Variants in NCKAP5 observed in about 807,000 individuals in gnomAD.
NCKAP5 encodes nck-associated protein 5.
NCKAP5 carries 92 observed loss-of-function variants against 167.0 expected under a neutral mutation model. The observed-to-expected ratio is 0.55, with a 90% CI of 0.47 to 0.66. NCKAP5 has a LOEUF of 0.66. Ranked by LOEUF, NCKAP5 falls within the 30% of genes least tolerant of loss-of-function variation. The pLI, the probability that NCKAP5 is intolerant of heterozygous loss-of-function variation, is 0.00. For synonymous variants in NCKAP5, 891 were observed against 877.4 expected (o/e 1.02, Z -0.27); for missense variants, 2,378 against 2,315.0 (o/e 1.03, Z -0.56).
intron 6 of NCKAP5, among the ~76,000 whole-genome samples, chr2:133,010,945 T>A (rs1468890768): frequency 1.3e-5 from 2 of 152,136 alleles, no homozygotes; most frequent in Admixed American, 6.5e-5. Context: ...TTTAAAAAAA[T>A]GTCTTTGATA....
intron 8 of NCKAP5, among the ~76,000 whole-genome samples, chr2:132,909,043 A>C (rs1236186653): frequency 6.6e-6 from 1 of 152,182 alleles, no homozygotes; most frequent in Admixed American, 6.5e-5. Flanking sequence ...TTTTTAAAAA[A>C]TCGATTAAAA....
At chr2:133,585,988 G>C in the NCKAP5 span, among the ~76,000 whole-genome samples, 2 of 152,158 alleles carry the variant, frequency 1.3e-5, no homozygotes, top group Non-Finnish European at 2.9e-5. Flanking sequence ...AAAAGAAAAA[G>C]TGAGAACAAG....
At chr2:133,447,999 A>C (rs1337312533) in intron 3 of NCKAP5, among the ~76,000 whole-genome samples, 1 of 152,204 alleles carries the variant, frequency 6.6e-6, no homozygotes, top group East Asian at 1.9e-4. Flanking sequence ...CCATCAGACT[A>C]AAGCAAACAT....
intron 3 of NCKAP5, among the ~76,000 whole-genome samples, chr2:133,402,726 C>T (rs1208384373): frequency 6.6e-6 from 1 of 152,154 alleles, no homozygotes; most frequent in Non-Finnish European, 1.5e-5. Context: ...ATGCCTGCTC[C>T]CCCTTCACTT....
At chr2:133,465,041 G>A (rs1692462957) in intron 3 of NCKAP5, among the ~76,000 whole-genome samples, 1 of 151,342 alleles carries the variant, frequency 6.6e-6, no homozygotes, top group Non-Finnish European at 1.5e-5. Flanking sequence ...AAGTTTTAGG[G>A]TACATGTGCA....
chr2:132,986,888 C>T (rs1274404599), intron 7 of NCKAP5, among the ~76,000 whole-genome samples: 2 of 152,040 alleles, frequency 1.3e-5, no homozygotes, highest in South Asian at 2.1e-4. Context: ...TTTGGAGTTC[C>T]AAACTTATGA....
At chr2:133,081,777 C>T (rs951214069) in intron 6 of NCKAP5, among the ~76,000 whole-genome samples, 2 of 152,010 alleles carry the variant, frequency 1.3e-5, no homozygotes, top group African/African-American at 4.8e-5. Flanking sequence ...AAACGTTTTC[C>T]TCCTTTTCCA....
intron 7 of NCKAP5, among the ~76,000 whole-genome samples, chr2:132,983,822 T>C (rs2077208104): frequency 1.3e-5 from 2 of 152,162 alleles, no homozygotes; most frequent in Admixed American, 6.5e-5. Flanking sequence ...AGCTGGCACA[T>C]GCCTAAAGTG....
intron 16 of NCKAP5, among the ~76,000 whole-genome samples, chr2:132,769,216 G>A (rs899050517): frequency 1.3e-5 from 2 of 152,056 alleles, no homozygotes; most frequent in African/African-American, 2.4e-5. Context: ...CCAAAGTGCT[G>A]GGATTACAGA....
chr2:132,963,901 A>G (rs2076589242), intron 7 of NCKAP5, 32 bp from the exon 8 acceptor site: 1 of 1,609,970 alleles, frequency 6.2e-7, no homozygotes, highest in Non-Finnish European at 8.5e-7. Context: ...GTTTTCAATA[A>G]TCTCCAGTGA....
intron 5 of NCKAP5, among the ~76,000 whole-genome samples, chr2:133,143,966 A>T (rs185687242): frequency 1.2e-3 from 186 of 152,252 alleles, no homozygotes; most frequent in Admixed American, 4.8e-3. Flanking sequence ...GTAAACTTTC[A>T]TCGCAACCAG....
At chr2:133,444,691 C>T (rs1189214524) in intron 3 of NCKAP5, among the ~76,000 whole-genome samples, 3 of 152,160 alleles carry the variant, frequency 2.0e-5, no homozygotes, top group African/African-American at 7.2e-5. Flanking sequence ...GTTCTTCTTC[C>T]TTGCACTCTG....
chr2:132,836,612 G>T (rs113304023), intron 11 of NCKAP5, among the ~76,000 whole-genome samples: 1 of 151,826 alleles, frequency 6.6e-6, no homozygotes, highest in Non-Finnish European at 1.5e-5. Context: ...GTTCTTTAGC[G>T]GTGATTTGTG....
At chr2:133,416,868 G>A (rs748606523) in intron 3 of NCKAP5, among the ~76,000 whole-genome samples, 48 of 152,018 alleles carry the variant, frequency 3.2e-4, no homozygotes, top group South Asian at 4.1e-4. Context: ...CAACTTCCTC[G>A]AGGTTTGGAA....
intron 8 of NCKAP5, among the ~76,000 whole-genome samples, chr2:132,916,952 T>C (rs567831508): frequency 2.6e-5 from 4 of 152,310 alleles, no homozygotes; most frequent in South Asian, 2.1e-4. Context: ...TAATGCAAAA[T>C]TGATGGAAGT....
chr2:133,286,502 A>T (rs1302984344), intron 4 of NCKAP5, among the ~76,000 whole-genome samples: 1 of 152,210 alleles, frequency 6.6e-6, no homozygotes, highest in Non-Finnish European at 1.5e-5. Context: ...GAGTAATTGG[A>T]TATGCATGAT....
intron 8 of NCKAP5, among the ~76,000 whole-genome samples, chr2:132,933,943 G>C (rs575412856): frequency 1.3e-5 from 2 of 152,298 alleles, no homozygotes; most frequent in Non-Finnish European, 2.9e-5. Flanking sequence ...GAGAGCATCA[G>C]CAGACTGTCT....
intron 3 of NCKAP5, among the ~76,000 whole-genome samples, chr2:133,359,401 A>T (rs1434703167): frequency 1.3e-5 from 2 of 152,192 alleles, no homozygotes; most frequent in African/African-American, 4.8e-5. Flanking sequence ...CTGAAATCTT[A>T]TGCATAATTA....
At chr2:132,746,035 C>G (rs1677420991) in intron 16 of NCKAP5, among the ~76,000 whole-genome samples, 1 of 151,766 alleles carries the variant, frequency 6.6e-6, no homozygotes, top group Non-Finnish European at 1.5e-5. Flanking sequence ...ACATTTTAAT[C>G]AAAACACTAT....
Sources: allele counts gnomAD v4.1 joint callset (sites outside exome capture counted in the v4.1 genomes callset), GRCh38; gene constraint gnomAD v4.1.1; transcripts MANE v1.5; gene names NCBI Gene and HGNC (gene_info 2026-07-23, HGNC 2026-07-21).